The following DGLUCY variants were observed in gnomAD, a reference collection of about 807,000 sequenced individuals.
DGLUCY encodes D-glutamate cyclase, mitochondrial.
A neutral mutation model predicts 58.5 loss-of-function variants in DGLUCY; 58 were observed. That is an observed-to-expected ratio of 0.99 (90% confidence interval 0.80 to 1.23). The LOEUF (loss-of-function observed/expected upper bound fraction) is 1.23, where lower values mean the gene tolerates loss of function less well. Ranked by LOEUF, DGLUCY falls within the 50% of genes most tolerant of loss-of-function variation. The pLI, the probability that DGLUCY is intolerant of heterozygous loss-of-function variation, is 0.00. For missense variants in DGLUCY, 779 were observed against 784.7 expected (o/e 0.99, Z 0.09); for synonymous variants, 325 against 314.1 (o/e 1.03, Z -0.37).
At chr14:91,184,852 C>A (rs932217881) in intron 8 of DGLUCY, among the ~76,000 whole-genome samples, 83 of 152,260 alleles carry the variant, frequency 5.5e-4, no homozygotes, top group Middle Eastern at 6.8e-3. Context: ...AATGTGGTTT[C>A]CTTTACATAT....
intron 1 of DGLUCY, among the ~76,000 whole-genome samples, chr14:91,131,138 C>T (rs1196861535): frequency 2.0e-5 from 3 of 152,042 alleles, no homozygotes; most frequent in African/African-American, 4.8e-5. Context: ...TTAGTAGAGA[C>T]GAGGTTTTAC....
At chr14:91,128,215 A>G (rs1276670889) in intron 1 of DGLUCY, among the ~76,000 whole-genome samples, 1 of 151,346 alleles carries the variant, frequency 6.6e-6, no homozygotes, top group African/African-American at 2.4e-5. Flanking sequence ...GCTCACACCT[A>G]TAATCCCAGC....
intron 1 of DGLUCY, among the ~76,000 whole-genome samples, chr14:91,123,873 C>T (rs1265876132): frequency 6.6e-6 from 1 of 151,900 alleles, no homozygotes; most frequent in Non-Finnish European, 1.5e-5. Context: ...CCACTGCATC[C>T]AGCCTGTTTT....
chr14:91,186,838 C>G (rs569090484), intron 8 of DGLUCY, among the ~76,000 whole-genome samples: 2 of 152,224 alleles, frequency 1.3e-5, no homozygotes, highest in South Asian at 4.1e-4. Flanking sequence ...TACATCTGGA[C>G]TACCTCCCAT....
At chr14:91,111,294 T>TTC (rs1555391957), upstream of DGLUCY, among the ~76,000 whole-genome samples, 355 of 138,272 alleles carry the variant, frequency 2.6e-3, 8 homozygotes, top group Admixed American at 0.014. Context: ...ATATATATTT[T>TTC]TTTTTGAGAT....
chr14:91,173,587 CTT>C, intron 6 of DGLUCY, 148 bp downstream of exon 6: 1 of 1,166,262 alleles, frequency 8.6e-7, no homozygotes, highest in Non-Finnish European at 1.2e-6. Context: ...GACAGCCTCT[CTT>C]GGAGTTGGGC....
chr14:91,167,125 G>C (rs554095305), intron 3 of DGLUCY, 100 bp from the exon 4 acceptor site: 1 of 1,417,810 alleles, frequency 7.1e-7, no homozygotes, highest in Admixed American at 2.4e-5. Context: ...GGCTACAAGA[G>C]CGAAACTCCG....
At position 91,189,013 on chromosome 14, in the gene DGLUCY, A is replaced by G; in HGVS notation, c.1038A>G (p.Thr346=). The G allele has an allele frequency of 1.2e-6, 2 of 1,614,146 alleles. No individual in the cohort carries two copies. Among genetic ancestry groups the G allele is most frequent in the Non-Finnish European group, 8.5e-7 (1 of 1,180,016 alleles). The change falls in exon 9 of 14, where the codon ACA becomes ACG. Residue 346 remains threonine, a synonymous_variant. Coordinates refer to ENST00000256324, the MANE Select transcript of DGLUCY (RefSeq NM_001102368.3). The stretch of plus-strand genomic sequence containing the variant: ...TGCTCATCACCACTGGGTTCCCCAC[A>G]CATTTCAATCATGAGCCTCCAGAAG... The part of the protein sequence containing the change: ...RSVLITTGFP[T]HFNHEPPEET...
chr14:91,204,660 A>C (rs1595913077), intron 11 of DGLUCY, 46 bp from the exon 12 acceptor site: 1 of 1,458,260 alleles, frequency 6.9e-7, no homozygotes, highest in Admixed American at 1.8e-5. Context: ...GGCCTCCCCC[A>C]TTTTGCCCTG....
intron 1 of DGLUCY, among the ~76,000 whole-genome samples, chr14:91,127,117 C>T (rs1178698394): frequency 7.3e-6 from 1 of 137,018 alleles, no homozygotes; most frequent in Non-Finnish European, 1.5e-5. Flanking sequence ...AGTGCAGTGG[C>T]ACAAGTATGG....
At chr14:91,153,727 G>A (rs1361135661) in intron 1 of DGLUCY, among the ~76,000 whole-genome samples, 1 of 152,060 alleles carries the variant, frequency 6.6e-6, no homozygotes. Flanking sequence ...GAAGGATGAA[G>A]GCAGCCTCTC....
At chr14:91,121,613 AATAAT>A (rs2045366379) in intron 1 of DGLUCY, among the ~76,000 whole-genome samples, 10 of 9,952 alleles carry the variant, frequency 1.0e-3, no homozygotes, top group Non-Finnish European at 4.3e-3. Flanking sequence ...TCTCAAAAAT[AATAAT>A]AATAATAATA....
intron 1 of DGLUCY, among the ~76,000 whole-genome samples, chr14:91,139,571 G>C (rs2046533178): frequency 2.0e-5 from 3 of 152,168 alleles, no homozygotes; most frequent in Admixed American, 1.3e-4. Context: ...TATAATCCCA[G>C]CTACTTGGGA....
At chr14:91,125,133 C>T (rs1403689562) in intron 1 of DGLUCY, among the ~76,000 whole-genome samples, 1 of 152,154 alleles carries the variant, frequency 6.6e-6, no homozygotes. Context: ...GTAGGGTGGA[C>T]GAGTCAGGTT....
intron 12 of DGLUCY, among the ~76,000 whole-genome samples, chr14:91,212,500 G>A (rs1885843660): frequency 6.6e-6 from 1 of 152,126 alleles, no homozygotes; most frequent in South Asian, 2.1e-4. Context: ...GCCACATGTT[G>A]TAAATATTCA....
chr14:91,082,407 C>T (rs1347840118), intron 1 of DGLUCY, among the ~76,000 whole-genome samples: 2 of 152,166 alleles, frequency 1.3e-5, no homozygotes, highest in Non-Finnish European at 2.9e-5. Flanking sequence ...GAAACAGCCA[C>T]GTGAAGCTTA....
upstream of DGLUCY, among the ~76,000 whole-genome samples, chr14:91,103,414 C>T (rs2078965773): frequency 6.6e-6 from 1 of 152,174 alleles, no homozygotes; most frequent in African/African-American, 2.4e-5. Flanking sequence ...CCTCCTCCGT[C>T]TCCATCCCAG....
At chr14:91,187,749 C>T (rs1042068301) in intron 8 of DGLUCY, among the ~76,000 whole-genome samples, 16 of 152,334 alleles carry the variant, frequency 1.1e-4, no homozygotes, top group African/African-American at 3.6e-4. Context: ...AATGCCCAGT[C>T]TCCTGTCCTC....
chr14:91,205,784 T>TTCTTCTTCTTCTTCTTCC (rs1491127575), intron 12 of DGLUCY, among the ~76,000 whole-genome samples: 1 of 148,990 alleles, frequency 6.7e-6, no homozygotes, highest in African/African-American at 2.5e-5. Context: ...CTTCTTCTTC[T>TTCTTCTTCTTCTTCTTCC]TCTTCTTCTT....
Sources: allele counts gnomAD v4.1 joint callset (sites outside exome capture counted in the v4.1 genomes callset), GRCh38; gene constraint gnomAD v4.1.1; transcripts MANE v1.5; gene names NCBI Gene and HGNC (gene_info 2026-07-23, HGNC 2026-07-21).